HUNK: variants seen among roughly 807,000 people sequenced by gnomAD.
The protein encoded by HUNK is hormonally up-regulated neu tumor-associated kinase.
In HUNK, 21 loss-of-function variants were observed where a neutral mutation model predicts 61.0. The ratio of observed to expected loss-of-function variants is 0.34; its 90% confidence interval spans 0.24 to 0.50. The LOEUF is 0.50. Among genes scored for constraint, HUNK ranks in the 20% least tolerant of loss-of-function variants. The pLI is 0.98. For synonymous variants in HUNK, 371 were observed against 386.1 expected (o/e 0.96, Z 0.46); for missense variants, 772 against 945.7 (o/e 0.82, Z 2.41).
At chr21:31,967,799 C>A (rs747339486) in intron 5 of HUNK, among the ~76,000 whole-genome samples, 1 of 152,120 alleles carries the variant, frequency 6.6e-6, no homozygotes, top group African/African-American at 2.4e-5. Flanking sequence ...ACCTACCTTG[C>A]GAGCAGGCAT....
chr21:31,973,796 T>C (rs948813116), intron 6 of HUNK, among the ~76,000 whole-genome samples: 2 of 152,182 alleles, frequency 1.3e-5, no homozygotes, highest in African/African-American at 4.8e-5. Flanking sequence ...ACTATCAGGA[T>C]GACTAAGTGA....
Position 31,919,029 on chromosome 21 carries a change from C to T in HUNK, c.262-5439C>T, listed in dbSNP as rs1011198588. On this transcript the variant is annotated intron_variant, in intron 1 of 10. Transcript: ENST00000270112. Reference sequence around the variant, plus strand: ...TATGAGGAGGAGGGGCTGGACTGAGCGGTATGAGGAGGAGGGGCTGGACTG... The same window carrying T: ...TATGAGGAGGAGGGGCTGGACTGAGTGGTATGAGGAGGAGGGGCTGGACTG... Among the ~76,000 whole-genome samples, 780 of 93,800 alleles carry T rather than the reference C, an allele frequency of 8.3e-3. 32 individuals carry two copies. Among genetic ancestry groups the T allele is most frequent in the African/African-American group, 0.037 (703 of 19,158 alleles). The allele number at this position is 93,800 out of a possible 152,430, so 61.5% of individuals were successfully genotyped here.
At chr21:31,878,220 C>T (rs2052280185) in intron 1 of HUNK, among the ~76,000 whole-genome samples, 1 of 137,798 alleles carries the variant, frequency 7.3e-6, no homozygotes, top group African/African-American at 2.8e-5. Flanking sequence ...GATTGTGCCA[C>T]TGCACTCCAG....
At chr21:31,922,319 T>C (rs1476847102) in intron 1 of HUNK, among the ~76,000 whole-genome samples, 2 of 150,172 alleles carry the variant, frequency 1.3e-5, no homozygotes, top group Middle Eastern at 3.6e-3. Context: ...GCCCAGCCTC[T>C]TAGCAGTTTT....
intron 1 of HUNK, among the ~76,000 whole-genome samples, chr21:31,882,083 C>T (rs1601356738): frequency 6.6e-6 from 1 of 152,010 alleles, no homozygotes; most frequent in African/African-American, 2.4e-5. Context: ...CCCCATCACT[C>T]GTGAGTGGTG....
chr21:31,936,114 T>C (rs1568929279), intron 2 of HUNK, among the ~76,000 whole-genome samples: 1 of 152,184 alleles, frequency 6.6e-6, no homozygotes, highest in East Asian at 1.9e-4. Flanking sequence ...TTTTTATCAC[T>C]GAATATGCCA....
intron 2 of HUNK, among the ~76,000 whole-genome samples, chr21:31,931,701 T>C (rs2052697727): frequency 6.6e-6 from 1 of 152,146 alleles, no homozygotes; most frequent in South Asian, 2.1e-4. Context: ...CGTCTCACGC[T>C]CTCCTCCCCT....
intron 1 of HUNK, among the ~76,000 whole-genome samples, chr21:31,885,414 T>C (rs1051427721): frequency 1.3e-5 from 2 of 152,202 alleles, no homozygotes; most frequent in African/African-American, 4.8e-5. Context: ...GACGACCGTC[T>C]CTGAATGCCC....
chr21:31,997,504 G>A (rs566454620), intron 10 of HUNK, among the ~76,000 whole-genome samples: 1 of 152,326 alleles, frequency 6.6e-6, no homozygotes, highest in African/African-American at 2.4e-5. Context: ...GATACTGTGT[G>A]ATTCCACTTA....
In HUNK at chr21:31,992,714, G is replaced by A. The variant is rs534353452; in HGVS notation, c.1305+2538G>A. Among the ~76,000 whole-genome samples the A allele has an allele frequency of 1.9e-4, 29 of 152,342 alleles. 1 individual carries two copies. Among genetic ancestry groups the A allele is most frequent in the African/African-American group, 5.8e-4 (24 of 41,588 alleles). On this transcript the variant is annotated intron_variant, in intron 9 of 10. Transcript: ENST00000270112. ...CCCTCTGAAGATCTGTTTCTGTTAT[G>A]TAAGGCAATTTAGCATCCTGCTCCC...
At chr21:31,969,767 A>G (rs1255949346) in intron 6 of HUNK, among the ~76,000 whole-genome samples, 2 of 151,640 alleles carry the variant, frequency 1.3e-5, no homozygotes, top group African/African-American at 2.4e-5. Flanking sequence ...GGGTTTTGCC[A>G]TGTTGCCCAG....
chr21:31,906,428 C>T (rs1426463610), intron 1 of HUNK, among the ~76,000 whole-genome samples: 1 of 151,914 alleles, frequency 6.6e-6, no homozygotes, highest in Non-Finnish European at 1.5e-5. Context: ...TTGTGGTTGC[C>T]GTTGTTGTTT....
Position 31,924,756 on chromosome 21 carries a change from C to G in HUNK, c.550C>G (p.His184Asp). 6.2e-7 allele frequency: 1 copy of G among 1,604,102 alleles called. No individual in the cohort carries two copies. The highest frequency in any genetic ancestry group is 8.5e-7 in the Non-Finnish European group (1 of 1,175,510). The change falls in exon 2 of 11, where the codon CAC becomes GAC. Residue 184 changes from histidine (H) to aspartate (D), a missense_variant. His to Asp is a moderately conservative substitution (Grantham distance 81). Around this residue, in one of 2 missense-constraint regions of HUNK, gnomAD observed 359 missense variants for 501.3 expected, o/e 0.72. Transcript: ENST00000270112. This position sits in a 1 kb window ranked among gnomAD's most constrained non-coding sequence, Gnocchi z 5.1. ...GCACCTGCACCGGGCCGGGGTGGTC[C>G]ACAGGTAAGGGCCAGGCCACGCTGG... ...VEHLHRAGVV[H>D]RDLKIENLLL...
intron 3 of HUNK, among the ~76,000 whole-genome samples, chr21:31,942,078 C>T (rs999783591): frequency 2.0e-5 from 3 of 152,166 alleles, no homozygotes; most frequent in East Asian, 1.9e-4. Context: ...GGCGTGGTAG[C>T]GTGCGCCTAT....
intron 2 of HUNK, among the ~76,000 whole-genome samples, chr21:31,928,275 G>T (rs1297592187): frequency 1.3e-5 from 2 of 152,106 alleles, no homozygotes; most frequent in African/African-American, 4.8e-5. Context: ...GATGAGCACC[G>T]AGCTTCTCAG....
chr21:31,934,632 G>A (rs2052720262), intron 2 of HUNK, among the ~76,000 whole-genome samples: 1 of 152,076 alleles, frequency 6.6e-6, no homozygotes, highest in African/African-American at 2.4e-5. Context: ...TACCCAACGG[G>A]TAGTTTTTCA....
intron 4 of HUNK, among the ~76,000 whole-genome samples, chr21:31,954,469 G>C (rs2833577): frequency 1.3e-5 from 2 of 152,138 alleles, no homozygotes; most frequent in East Asian, 3.9e-4. Context: ...CTCATTTACA[G>C]GTTAAATAGA....
At chr21:31,934,691 G>C (rs899561680) in intron 2 of HUNK, among the ~76,000 whole-genome samples, 2 of 152,006 alleles carry the variant, frequency 1.3e-5, no homozygotes, top group African/African-American at 4.8e-5. Context: ...CTCAGTATCT[G>C]TTGTTCCTGT....
intron 5 of HUNK, among the ~76,000 whole-genome samples, chr21:31,965,389 A>G (rs1050220087): frequency 4.6e-5 from 7 of 152,092 alleles, no homozygotes; most frequent in African/African-American, 1.2e-4. Flanking sequence ...TAATCTGTAC[A>G]ACAAACTCCC....
Sources: gnomAD v4.1 joint callset for allele counts (sites outside exome capture counted in the v4.1 genomes callset) on GRCh38, gnomAD v4.1.1 for gene constraint, gnomAD v4.1.1 regional missense constraint, Gnocchi (gnomAD v3.1) non-coding constraint, MANE v1.5 for transcripts, NCBI Gene and HGNC (gene_info 2026-07-23, HGNC 2026-07-21) for gene names.